SYT17: variants seen among roughly 807,000 people sequenced by gnomAD.
SYT17 encodes the protein synaptotagmin 17, also known as synaptotagmin-17.
SYT17 carries 22 observed loss-of-function variants against 46.7 expected under a neutral mutation model. That is an observed-to-expected ratio of 0.47 (90% CI 0.34 to 0.67). SYT17 has a LOEUF of 0.67. Among genes scored for constraint, SYT17 ranks in the 30% least tolerant of loss-of-function variants. SYT17 has a pLI of 0.01. For missense variants in SYT17, 519 were observed against 612.8 expected (o/e 0.85, Z 1.62); for synonymous variants, 251 against 248.4 (o/e 1.01, Z -0.10).
intron 5 of SYT17, among the ~76,000 whole-genome samples, chr16:19,218,293 C>A (rs1453898054): frequency 2.0e-5 from 3 of 152,178 alleles, no homozygotes; most frequent in Non-Finnish European, 2.9e-5. Context: ...ACAATTAGCC[C>A]TCTTTTTTAC....
At chr16:19,237,807 C>T (rs1052251194) in intron 7 of SYT17, among the ~76,000 whole-genome samples, 3 of 152,216 alleles carry the variant, frequency 2.0e-5, no homozygotes, top group Non-Finnish European at 2.9e-5. Context: ...CTTTGGGGCT[C>T]ATCTGCCCTG....
In SYT17 at chr16:19,242,514, A is replaced by T. The variant is rs150863709; in HGVS notation, c.1228+17676A>T. The stretch of plus-strand genomic sequence containing the variant: ...CTATAGCAAGGAACTTAGATGATAC[A>T]TTTTTTTTTAATTAAAAAAATTTTT... On this transcript the variant is annotated intron_variant, in intron 7 of 7. Transcript: ENST00000355377. Among the ~76,000 whole-genome samples, 366 of 150,814 alleles carry T rather than the reference A, an allele frequency of 2.4e-3. 3 individuals carry two copies. Among genetic ancestry groups the T allele is most frequent in the African/African-American group, 7.1e-3 (290 of 41,012 alleles).
At position 19,223,039 on chromosome 16, in the gene SYT17, C is replaced by T. The variant is rs1042285334; in HGVS notation, c.952-6C>T. ...GCAACTTCCTGATCATTTCCTTTCT[C>T]TACAGAATGAAGTGGAGCTGGGGGA... On this transcript the variant is annotated splice_region_variant and splice_polypyrimidine_tract_variant and intron_variant, in intron 5 of 7. Coordinates refer to ENST00000355377, the MANE Select transcript of SYT17 (RefSeq NM_016524.4). The T allele has an allele frequency of 6.2e-6, 10 of 1,613,828 alleles. No individual in the cohort carries two copies. Among genetic ancestry groups the T allele is most frequent in the African/African-American group, 1.3e-5 (1 of 74,898 alleles).
chr16:19,190,864 A>G (rs931502323), intron 5 of SYT17, among the ~76,000 whole-genome samples: 2 of 151,494 alleles, frequency 1.3e-5, no homozygotes, highest in African/African-American at 4.9e-5. Flanking sequence ...CCTCCACCCA[A>G]TGGACAACGG....
chr16:19,209,918 C>A (rs905181887), intron 5 of SYT17, among the ~76,000 whole-genome samples: 266 of 151,416 alleles, frequency 1.8e-3, no homozygotes, highest in Non-Finnish European at 2.7e-3. Context: ...ACAACAACAA[C>A]AAAAAACCCT....
At chr16:19,211,872 C>T (rs531491486) in intron 5 of SYT17, among the ~76,000 whole-genome samples, 24 of 152,124 alleles carry the variant, frequency 1.6e-4, no homozygotes, top group African/African-American at 5.1e-4. Context: ...GTGATCCGCC[C>T]GCCTCAGCCT....
intron 7 of SYT17, among the ~76,000 whole-genome samples, chr16:19,264,559 G>A (rs546637163): frequency 1.3e-5 from 2 of 151,280 alleles, no homozygotes; most frequent in South Asian, 2.1e-4. Flanking sequence ...TTCCACCAGC[G>A]GCACATGAGA....
intron 7 of SYT17, among the ~76,000 whole-genome samples, chr16:19,263,125 G>A (rs757498920): frequency 6.6e-5 from 10 of 150,462 alleles, no homozygotes; most frequent in African/African-American, 1.7e-4. Flanking sequence ...TGGTGTATAC[G>A]ATTCAGTGCT....
At chr16:19,210,188 A>G (rs1375705577) in intron 5 of SYT17, among the ~76,000 whole-genome samples, 1 of 152,182 alleles carries the variant, frequency 6.6e-6, no homozygotes, top group Non-Finnish European at 1.5e-5. Flanking sequence ...ATTCTGGTAC[A>G]ATACATTTTT....
At chr16:19,180,346 C>G (rs1016726371) in intron 3 of SYT17, 45 bp from the exon 4 acceptor site, 1 of 1,605,680 alleles carries the variant, frequency 6.2e-7, no homozygotes, top group Non-Finnish European at 8.5e-7. Flanking sequence ...ATGCCAGTCC[C>G]CGGGGATTCC....
At chr16:19,244,754 C>A (rs556439083) in intron 7 of SYT17, among the ~76,000 whole-genome samples, 1 of 152,312 alleles carries the variant, frequency 6.6e-6, no homozygotes, top group Admixed American at 6.5e-5. Context: ...TCTTCTCTGG[C>A]CTTGGGGAGT....
chr16:19,190,588 G>GACA (rs1964972289), intron 5 of SYT17, among the ~76,000 whole-genome samples: 1 of 152,060 alleles, frequency 6.6e-6, no homozygotes, highest in South Asian at 2.1e-4. Context: ...CGCAGCCCCT[G>GACA]ACAACCATCA....
chr16:19,248,635 A>G (rs1254187055), intron 7 of SYT17, among the ~76,000 whole-genome samples: 1 of 152,148 alleles, frequency 6.6e-6, no homozygotes, highest in Admixed American at 6.6e-5. Context: ...AGCCTGGCCA[A>G]CATGGCGAAA....
At chr16:19,225,914 C>A (rs1966481143) in intron 7 of SYT17, among the ~76,000 whole-genome samples, 1 of 152,182 alleles carries the variant, frequency 6.6e-6, no homozygotes, top group Middle Eastern at 3.2e-3. Context: ...AGAAGCAATT[C>A]ACTAGGTCCA....
chr16:19,192,526 C>A (rs1965066843), intron 5 of SYT17, among the ~76,000 whole-genome samples: 1 of 152,104 alleles, frequency 6.6e-6, no homozygotes, highest in African/African-American at 2.4e-5. Flanking sequence ...AGTTCGAGAC[C>A]AGCCTGGGCA....
intron 7 of SYT17, among the ~76,000 whole-genome samples, chr16:19,244,083 A>C (rs371346437): frequency 4.0e-4 from 61 of 152,292 alleles, no homozygotes; most frequent in South Asian, 1.9e-3. Flanking sequence ...AACATTTATT[A>C]AAGTCTTAGA....
At chr16:19,258,642 A>AAAAAT (rs1349351807) in intron 7 of SYT17, among the ~76,000 whole-genome samples, 7 of 152,258 alleles carry the variant, frequency 4.6e-5, no homozygotes, top group African/African-American at 7.2e-5. Flanking sequence ...ACTCCATCTC[A>AAAAAT]AAAATAAAAT....
chr16:19,201,372 A>G (rs1228949916), intron 5 of SYT17, among the ~76,000 whole-genome samples: 5 of 152,164 alleles, frequency 3.3e-5, no homozygotes, highest in Admixed American at 1.3e-4. Context: ...AGCTAAATTC[A>G]GGGACTCAAA....
chr16:19,205,827 G>A (rs964886482), intron 5 of SYT17, among the ~76,000 whole-genome samples: 1 of 152,128 alleles, frequency 6.6e-6, no homozygotes, highest in East Asian at 1.9e-4. Flanking sequence ...TTCTATCCCC[G>A]ATGCCAGCTT....
Sources: gnomAD v4.1 joint callset for allele counts (sites outside exome capture counted in the v4.1 genomes callset) on GRCh38, gnomAD v4.1.1 for gene constraint, MANE v1.5 for transcripts, NCBI Gene and HGNC (gene_info 2026-07-23, HGNC 2026-07-21) for gene names.